Variants in MYO9A observed in about 807,000 individuals in gnomAD.
The protein encoded by MYO9A is myosin IXA.
In MYO9A, 103 loss-of-function variants were observed where a neutral mutation model predicts 293.3. That is an observed-to-expected ratio of 0.35 (90% CI 0.30 to 0.41). The LOEUF is 0.41. Among genes scored for constraint, MYO9A ranks in the 10% least tolerant of loss-of-function variants. The pLI, the probability that MYO9A is intolerant of heterozygous loss-of-function variation, is 1.00. For missense variants in MYO9A, 2,685 were observed against 3,033.0 expected (o/e 0.89, Z 2.69); for synonymous variants, 1,001 against 1,035.7 (o/e 0.97, Z 0.64).
intron 1 of MYO9A, among the ~76,000 whole-genome samples, chr15:72,047,045 A>C (rs1472943549): frequency 6.6e-6 from 1 of 152,242 alleles, no homozygotes; most frequent in Non-Finnish European, 1.5e-5. Flanking sequence ...TTAAGGATAA[A>C]GCAAAAACAA....
chr15:71,830,522 C>G (rs982070600), intron 39 of MYO9A, among the ~76,000 whole-genome samples: 11 of 152,194 alleles, frequency 7.2e-5, no homozygotes, highest in Non-Finnish European at 1.3e-4. Context: ...AAAACGGATA[C>G]TTTGGTAGGT....
intron 14 of MYO9A, among the ~76,000 whole-genome samples, chr15:71,954,287 G>A (rs765722701): frequency 6.6e-6 from 1 of 151,998 alleles, no homozygotes; most frequent in Non-Finnish European, 1.5e-5. Flanking sequence ...TGTAACCTCC[G>A]CCTCCCAGGT....
chr15:71,892,630 A>G, intron 26 of MYO9A: 1 of 170,738 alleles, frequency 5.9e-6, no homozygotes, highest in Non-Finnish European at 1.3e-5. Flanking sequence ...GTTGCAATAG[A>G]GACTATATGA....
intron 2 of MYO9A, among the ~76,000 whole-genome samples, chr15:72,044,125 G>A (rs1051289315): frequency 9.9e-5 from 15 of 151,890 alleles, no homozygotes; most frequent in Admixed American, 2.6e-4. Flanking sequence ...TTCACGTATA[G>A]GCTGGGGGCG....
Position 71,883,667 on chromosome 15 carries a change from T to C in MYO9A, c.5325A>G (p.Lys1775=), listed in dbSNP as rs199626735. The change falls in exon 28 of 42, where the codon AAA becomes AAG. Residue 1775 remains lysine, a synonymous_variant. Transcript: ENST00000356056. Reference sequence around the variant, plus strand: ...GCGAAACCTCTGACTGGGTAGTAGGTTTCACTCTGGTAGTCTTCTTCTCCC... The same window carrying C: ...GCGAAACCTCTGACTGGGTAGTAGGCTTCACTCTGGTAGTCTTCTTCTCCC... ...KQGEKKTTRV[K]PTTQSEVSPL... The C allele has an allele frequency of 6.2e-7, 1 of 1,613,612 alleles. No individual in the cohort carries two copies. The highest frequency in any genetic ancestry group is 2.2e-5 in the East Asian group (1 of 44,840).
chr15:71,965,205 A>G (rs1265184281), intron 13 of MYO9A, among the ~76,000 whole-genome samples: 1 of 151,958 alleles, frequency 6.6e-6, no homozygotes, highest in African/African-American at 2.4e-5. Context: ...TAAATATCCA[A>G]TGATTTTCTA....
intron 1 of MYO9A, among the ~76,000 whole-genome samples, chr15:72,076,453 T>C (rs1259068067): frequency 6.6e-6 from 1 of 152,178 alleles, no homozygotes; most frequent in African/African-American, 2.4e-5. Context: ...AATATATTTC[T>C]AAATACTCCA....
rs114973639 is a variant in MYO9A, at chr15:71,909,203, C to T, written c.2686-4197G>A. On this transcript the variant is annotated intron_variant, in intron 19 of 41. Transcript: ENST00000356056. ...CAAGTTTTAGCAATTATGAATAAAGCTGCTATAAATATCTGTGTACAGGTT... is the reference window on the plus strand; with the variant it reads ...CAAGTTTTAGCAATTATGAATAAAGTTGCTATAAATATCTGTGTACAGGTT... Among the ~76,000 whole-genome samples, 808 of 152,272 alleles carry T rather than the reference C, an allele frequency of 5.3e-3. 9 individuals carry two copies. Among genetic ancestry groups the T allele is most frequent in the African/African-American group, 0.019 (770 of 41,560 alleles).
At chr15:71,932,961 T>C (rs1596227508) in intron 18 of MYO9A, among the ~76,000 whole-genome samples, 1 of 151,328 alleles carries the variant, frequency 6.6e-6, no homozygotes, top group East Asian at 1.9e-4. Context: ...CTATACACAT[T>C]AATAAAACAA....
intron 9 of MYO9A, chr15:71,999,037 TATA>T (rs2076789381): frequency 6.6e-6 from 1 of 152,176 alleles, no homozygotes; most frequent in Non-Finnish European, 1.5e-5. Context: ...AGTGGAAGAC[TATA>T]ATATGACATA....
chr15:72,086,365 G>T (rs902004729), intron 1 of MYO9A, among the ~76,000 whole-genome samples: 2 of 152,068 alleles, frequency 1.3e-5, no homozygotes, highest in Non-Finnish European at 2.9e-5. Context: ...CTCAGGGAGG[G>T]GGAGGGTTCA....
At chr15:72,116,127 A>G (rs943818447) in intron 1 of MYO9A, among the ~76,000 whole-genome samples, 2 of 152,238 alleles carry the variant, frequency 1.3e-5, no homozygotes, top group African/African-American at 4.8e-5. Context: ...ATACACATGA[A>G]GCTGGAAATA....
intron 1 of MYO9A, among the ~76,000 whole-genome samples, chr15:72,084,792 C>A (rs1450846151): frequency 6.6e-6 from 1 of 152,184 alleles, no homozygotes; most frequent in African/African-American, 2.4e-5. Context: ...TCACTCCCAG[C>A]CTCTTCTGGC....
At chr15:71,953,360 C>T (rs1355425849) in intron 14 of MYO9A, among the ~76,000 whole-genome samples, 1 of 152,206 alleles carries the variant, frequency 6.6e-6, no homozygotes, top group African/African-American at 2.4e-5. Flanking sequence ...GAGTTCTAGT[C>T]AGACTCCATT....
At chr15:71,851,203 A>G in intron 37 of MYO9A, 50 bp downstream of exon 37, 2 of 1,390,288 alleles carry the variant, frequency 1.4e-6, no homozygotes, top group Non-Finnish European at 2.0e-6. Context: ...TCTATTTAAA[A>G]TAATCCAAGA....
intron 8 of MYO9A, among the ~76,000 whole-genome samples, chr15:72,001,182 T>C (rs976482918): frequency 3.3e-5 from 5 of 152,154 alleles, no homozygotes; most frequent in African/African-American, 1.2e-4. Context: ...ACAAGGACAT[T>C]TTATAAAAGT....
chr15:72,079,707 A>T (rs1441171668), intron 1 of MYO9A, among the ~76,000 whole-genome samples: 1 of 152,176 alleles, frequency 6.6e-6, no homozygotes, highest in Non-Finnish European at 1.5e-5. Flanking sequence ...CCTAATCCAT[A>T]TGTCTTGATC....
intron 18 of MYO9A, among the ~76,000 whole-genome samples, chr15:71,927,256 A>G (rs577690586): frequency 1.4e-4 from 21 of 152,322 alleles, no homozygotes; most frequent in African/African-American, 5.1e-4. Context: ...TCTAGACATT[A>G]ACCCACTGCC....
chr15:71,856,015 G>A (rs2055848726), intron 34 of MYO9A, among the ~76,000 whole-genome samples: 1 of 151,898 alleles, frequency 6.6e-6, no homozygotes, highest in Non-Finnish European at 1.5e-5. Context: ...TTCTGCTTAA[G>A]ACTAGTAGTG....
Sources: gnomAD v4.1 joint callset for allele counts (sites outside exome capture counted in the v4.1 genomes callset) on GRCh38, gnomAD v4.1.1 for gene constraint, MANE v1.5 for transcripts, NCBI Gene and HGNC (gene_info 2026-07-23, HGNC 2026-07-21) for gene names.